The following SEMA3A variants were observed in gnomAD, a reference collection of about 807,000 sequenced individuals.
SEMA3A encodes semaphorin 3A.
A neutral mutation model predicts 97.9 loss-of-function variants in SEMA3A; 29 were observed. That is an observed-to-expected ratio of 0.30 (90% CI 0.22 to 0.40). The LOEUF is 0.40. Ranked by LOEUF, SEMA3A falls within the 10% of genes least tolerant of loss-of-function variation. The pLI is 1.00. For missense variants in SEMA3A, 763 were observed against 951.3 expected (o/e 0.80, Z 2.60); for synonymous variants, 321 against 323.7 (o/e 0.99, Z 0.09).
In SEMA3A at chr7:84,324,153, G is replaced by A. The variant is rs576698627; in HGVS notation, c.-168-16861C>T. 8.7e-4 allele frequency among the ~76,000 whole-genome samples: 132 copies of A among 152,256 alleles called. 1 individual carries two copies. Among genetic ancestry groups the A allele is most frequent in the African/African-American group, 3.1e-3 (128 of 41,560 alleles). On this transcript the variant is annotated intron_variant, in intron 2 of 3. Coordinates refer to the SEMA3A transcript ENST00000424555. ...ATTTAAATTTTTGGCACAAAGTCAA[G>A]GATTTTAAAAAATTACAGTGTGTGT...
intron 7 of SEMA3A, 33 bp downstream of exon 7, chr7:84,014,176 A>G: frequency 6.3e-7 from 1 of 1,578,568 alleles, no homozygotes; most frequent in East Asian, 2.3e-5. Context: ...TGGGAAAATG[A>G]CATCCTTCTC....
At chr7:84,120,100 CAAA>C (rs35704820) in intron 3 of SEMA3A, among the ~76,000 whole-genome samples, 2 of 144,762 alleles carry the variant, frequency 1.4e-5, no homozygotes, top group African/African-American at 2.5e-5. Context: ...CTTACTTTAC[CAAA>C]AAAAAAAAAA....
intron 1 of SEMA3A, among the ~76,000 whole-genome samples, chr7:84,483,156 A>T (rs1806488756): frequency 6.6e-6 from 1 of 152,150 alleles, no homozygotes; most frequent in South Asian, 2.1e-4. Context: ...CCTTAAAATT[A>T]ATTTTCTCAA....
At chr7:84,029,642 CATT>C (rs1165448226) in intron 6 of SEMA3A, among the ~76,000 whole-genome samples, 1 of 152,066 alleles carries the variant, frequency 6.6e-6, no homozygotes, top group African/African-American at 2.4e-5. Flanking sequence ...TCATAATTTA[CATT>C]ATTATGCTTT....
At chr7:84,236,455 T>C (rs147523827) in intron 3 of SEMA3A, among the ~76,000 whole-genome samples, 35 of 152,286 alleles carry the variant, frequency 2.3e-4, no homozygotes, top group Admixed American at 7.9e-4. Flanking sequence ...ATTCTGAATA[T>C]GATTGCCTCT....
At chr7:84,082,755 T>C (rs1794204414) in intron 4 of SEMA3A, among the ~76,000 whole-genome samples, 1 of 151,968 alleles carries the variant, frequency 6.6e-6, no homozygotes, top group African/African-American at 2.4e-5. Flanking sequence ...TTTCTATAAA[T>C]TACTGCTATT....
chr7:84,301,802 C>T (rs1006150757), intron 3 of SEMA3A, among the ~76,000 whole-genome samples: 3 of 152,202 alleles, frequency 2.0e-5, no homozygotes, highest in Admixed American at 2.0e-4. Flanking sequence ...AGCCCTGATG[C>T]GGAATGACAG....
At position 84,392,255 on chromosome 7, in the gene SEMA3A, C is replaced by T. The variant is rs193201961; in HGVS notation, c.-245-20355G>A. On this transcript the variant is annotated intron_variant, in intron 1 of 3. Transcript: ENST00000424555. ...ATTATCATCTCCCTATTATTTCCACCCCACCAATCTCTCCTTTCATGAATT... is the reference window on the plus strand; with the variant it reads ...ATTATCATCTCCCTATTATTTCCACTCCACCAATCTCTCCTTTCATGAATT... Among the ~76,000 whole-genome samples the T allele has an allele frequency of 7.7e-3, 1,172 of 152,054 alleles. 6 individuals carry two copies. The highest frequency in any genetic ancestry group is 0.012 in the Admixed American group (185 of 15,264).
chr7:84,336,306 C>G (rs78313427), intron 2 of SEMA3A, among the ~76,000 whole-genome samples: 2,925 of 152,004 alleles, frequency 0.019, 57 homozygotes, highest in East Asian at 0.066. Context: ...AGAAGAACAC[C>G]AAACATAAAA....
Position 84,005,403 on chromosome 7 carries a change from T to C in SEMA3A, c.1296A>G (p.Thr432=), listed in dbSNP as rs1790624132. 1.9e-6 allele frequency: 3 copies of C among 1,613,956 alleles called. No individual in the cohort carries two copies. The highest frequency in any genetic ancestry group is 2.5e-6 in the Non-Finnish European group (3 of 1,179,858). The change falls in exon 11 of 17, where the codon ACA becomes ACG. Residue 432 remains threonine, a synonymous_variant. Coordinates refer to ENST00000265362, the MANE Select transcript of SEMA3A (RefSeq NM_006080.3). ...VIKTDVNYQF[T]QIVVDRVDAE... ...CATCCACTCGGTCTACGACAATTTG[T>C]GTAAATTGATAATTTACATCCGTTT...
chr7:84,457,878 T>C lies in SEMA3A; in HGVS notation c.-246+34582A>G, dbSNP rs978226251. Among the ~76,000 whole-genome samples, 30 of 152,002 alleles carry C rather than the reference T, an allele frequency of 2.0e-4. 1 individual carries two copies. The highest frequency in any genetic ancestry group is 2.9e-5 in the Non-Finnish European group (2 of 67,854). On this transcript the variant is annotated intron_variant, in intron 1 of 3. Transcript: ENST00000424555. ...GCTATGAAAACAAGTATATACATCA[T>C]ACATTAACTGATGTATGGGAAATTA... is the stretch of plus-strand genomic sequence containing the variant.
chr7:84,472,716 T>G (rs1806185064), intron 1 of SEMA3A, among the ~76,000 whole-genome samples: 2 of 152,208 alleles, frequency 1.3e-5, no homozygotes, highest in Admixed American at 6.5e-5. Flanking sequence ...TATCCTGCTC[T>G]TAAACTGTTA....
chr7:84,265,404 T>A (rs1799965039), intron 3 of SEMA3A, among the ~76,000 whole-genome samples: 1 of 148,930 alleles, frequency 6.7e-6, no homozygotes, highest in Non-Finnish European at 1.5e-5. Flanking sequence ...CGTTCTGCTT[T>A]CTTTAAATAT....
At chr7:84,321,377 T>C (rs1038746077) in intron 2 of SEMA3A, among the ~76,000 whole-genome samples, 1 of 152,166 alleles carries the variant, frequency 6.6e-6, no homozygotes, top group South Asian at 2.1e-4. Context: ...TACTAGTTTA[T>C]GAAAGTGCAA....
intron 13 of SEMA3A, 150 bp downstream of exon 13, chr7:83,985,286 A>G: frequency 1.8e-6 from 1 of 565,302 alleles, no homozygotes; most frequent in South Asian, 2.4e-5. Flanking sequence ...TTTCTAATCT[A>G]CTAGCTTATT....
At chr7:84,429,266 T>C (rs1434808816) in intron 1 of SEMA3A, among the ~76,000 whole-genome samples, 1 of 151,644 alleles carries the variant, frequency 6.6e-6, no homozygotes, top group African/African-American at 2.4e-5. Context: ...TCTGTGCTTT[T>C]CCACCAACTT....
At chr7:84,319,367 T>C (rs1057380005) in intron 2 of SEMA3A, among the ~76,000 whole-genome samples, 3 of 151,784 alleles carry the variant, frequency 2.0e-5, no homozygotes, top group Non-Finnish European at 4.4e-5. Flanking sequence ...TGCAAATGCA[T>C]TTTTGTTGAG....
At chr7:84,194,417 A>C in intron 1 of SEMA3A, 58 bp downstream of exon 1, 6 of 1,127,904 alleles carry the variant, frequency 5.3e-6, no homozygotes, top group Non-Finnish European at 6.5e-6. Context: ...AGTTCAAGGA[A>C]TTAAGGGGGG....
intron 1 of SEMA3A, among the ~76,000 whole-genome samples, chr7:84,136,861 A>T (rs1796139122): frequency 6.6e-6 from 1 of 151,846 alleles, no homozygotes; most frequent in African/African-American, 2.4e-5. Context: ...AAATAGTACA[A>T]TACTAGGCTG....
Sources: gnomAD v4.1 joint callset for allele counts (sites outside exome capture counted in the v4.1 genomes callset) on GRCh38, gnomAD v4.1.1 for gene constraint, MANE v1.5 for transcripts, NCBI Gene and HGNC (gene_info 2026-07-23, HGNC 2026-07-21) for gene names.